Variants in ASMT observed in about 807,000 individuals in gnomAD.
The protein encoded by ASMT is acetylserotonin O-methyltransferase, also known as acetylserotonin N-methyltransferase.
ASMT carries 53 observed loss-of-function variants against 41.3 expected under a neutral mutation model. The observed-to-expected ratio is 1.28, with a 90% CI of 1.03 to 1.61. The LOEUF (loss-of-function observed/expected upper bound fraction) is 1.61. ASMT is among the 40% of genes most tolerant of loss of function. The pLI is 0.00. For missense variants in ASMT, 531 were observed against 441.3 expected (o/e 1.20, Z -1.82); for synonymous variants, 231 against 184.8 (o/e 1.25, Z -2.03).
intron 1 of ASMT, among the ~76,000 whole-genome samples, chrX:1,616,622 C>T (rs1191175531): frequency 6.6e-6 from 1 of 151,396 alleles, no homozygotes; most frequent in Non-Finnish European, 1.5e-5. Flanking sequence ...GTCATCCCAA[C>T]GGTTTGGGGG....
At chrX:1,641,685 C>CTG (rs1935177155) in intron 8 of ASMT, among the ~76,000 whole-genome samples, 1 of 134,462 alleles carries the variant, frequency 7.4e-6, no homozygotes, top group Non-Finnish European at 1.6e-5. Flanking sequence ...CACAGCCTCT[C>CTG]TGTGTGAGAT....
chrX:1,627,496 C>T (rs2149465933), intron 3 of ASMT, among the ~76,000 whole-genome samples: 1 of 151,696 alleles, frequency 6.6e-6, no homozygotes, highest in South Asian at 2.1e-4. Context: ...TGGCGGGCGC[C>T]TATAGTCCCA....
intron 1 of ASMT, among the ~76,000 whole-genome samples, chrX:1,615,863 T>G (rs1212240248): frequency 6.6e-6 from 1 of 151,906 alleles, no homozygotes; most frequent in Non-Finnish European, 1.5e-5. Flanking sequence ...ATACATAGGA[T>G]TAGAAACAAG....
chrX:1,632,417 C>T (rs753217036), intron 5 of ASMT, among the ~76,000 whole-genome samples: 6 of 152,160 alleles, frequency 3.9e-5, no homozygotes, highest in South Asian at 2.1e-4. Flanking sequence ...TTTGGGAGGC[C>T]GAGATGGGCG....
intron 8 of ASMT, among the ~76,000 whole-genome samples, chrX:1,642,081 G>C (rs1395618834): frequency 8.1e-5 from 12 of 147,590 alleles, no homozygotes; most frequent in African/African-American, 2.2e-4. Flanking sequence ...TGAGGATGTG[G>C]GCACAGCCTC....
intron 1 of ASMT, among the ~76,000 whole-genome samples, chrX:1,620,118 A>T (rs1486087231): frequency 6.6e-6 from 1 of 151,306 alleles, no homozygotes; most frequent in African/African-American, 2.4e-5. Flanking sequence ...ATAAATAAAT[A>T]AAAAAGAAAA....
Position 1,633,181 on chromosome X carries a change from G to T in ASMT, c.678G>T (p.Met226Ile). 3 of 1,613,836 alleles carry T rather than the reference G, an allele frequency of 1.9e-6. No individual in the cohort carries two copies. The highest frequency in any genetic ancestry group is 2.5e-6 in the Non-Finnish European group (3 of 1,179,848). Residue 226 changes from methionine (M) to isoleucine (I), a missense_variant, in exon 7 of 9, where the codon ATG becomes ATT. Met to Ile is a conservative substitution (Grantham distance 10). Coordinates refer to ENST00000381241, the MANE Select transcript of ASMT (RefSeq NM_001171038.2). The stretch of plus-strand genomic sequence containing the variant: ...CTGGAGCTCTGGCTAAGGAATGCAT[G>T]TCTCTGTACCCTGGATGTAAGATCA... ...GGAGALAKECMSLYPGCKITV... is the reference protein window; with the variant it reads ...GGAGALAKECISLYPGCKITV...
At chrX:1,634,887 G>A (rs1399214340) in intron 7 of ASMT, among the ~76,000 whole-genome samples, 1 of 151,726 alleles carries the variant, frequency 6.6e-6, no homozygotes, top group Non-Finnish European at 1.5e-5. Flanking sequence ...GGCTGGTTTT[G>A]AATTCCTGAC....
chrX:1,635,955 T>TTTTC (rs1161616387), intron 7 of ASMT, among the ~76,000 whole-genome samples: 3 of 148,208 alleles, frequency 2.0e-5, no homozygotes, highest in Non-Finnish European at 3.0e-5. Flanking sequence ...TTATTCAGTA[T>TTTTC]TTTCTTTCTT....
chrX:1,622,359 C>G (rs1466820843), intron 1 of ASMT, among the ~76,000 whole-genome samples: 1 of 147,624 alleles, frequency 6.8e-6, no homozygotes, highest in African/African-American at 2.5e-5. Flanking sequence ...GGTGAGATCT[C>G]GGCTCACTGC....
chrX:1,620,502 G>A (rs1934300661), intron 1 of ASMT, among the ~76,000 whole-genome samples: 1 of 151,938 alleles, frequency 6.6e-6, no homozygotes, highest in African/African-American at 2.4e-5. Flanking sequence ...GCTAATACAA[G>A]CTTAGAATAA....
At chrX:1,619,952 G>T (rs1603461151) in intron 1 of ASMT, among the ~76,000 whole-genome samples, 1 of 151,146 alleles carries the variant, frequency 6.6e-6, no homozygotes. Context: ...AATTAGCCGG[G>T]CGTGGTGGTG....
intron 8 of ASMT, 121 bp from the exon 9 acceptor site, chrX:1,642,682 G>C (rs1935236340): frequency 2.3e-6 from 2 of 878,120 alleles, no homozygotes; most frequent in Non-Finnish European, 3.8e-6. Context: ...CTCTGAGTGT[G>C]TGATGGGGAC....
chrX:1,636,506 GCAGACGGAAAGTGCT>G lies in ASMT; in HGVS notation c.859_873del (p.Asp287_Ser291del). On this transcript the variant is annotated inframe_deletion, in exon 8 of 9. Coordinates refer to ENST00000381241, the MANE Select transcript of ASMT (RefSeq NM_001171038.2). ...CCTGGCCAGGGTCCTCCATGACTGG[GCAGACGGAAAGTGCT>G]CACACCTGCTGGAGAGGATCTACCA... is the stretch of plus-strand genomic sequence containing the variant. 1 of 1,613,918 alleles carries G rather than the reference GCAGACGGAAAGTGCT, an allele frequency of 6.2e-7. No individual in the cohort carries two copies. The highest frequency in any genetic ancestry group is 1.1e-5 in the South Asian group (1 of 91,080).
intron 3 of ASMT, among the ~76,000 whole-genome samples, chrX:1,626,522 C>T (rs1934554812): frequency 6.6e-6 from 1 of 152,098 alleles, no homozygotes; most frequent in Non-Finnish European, 1.5e-5. Context: ...GTGTGAGCCA[C>T]CACGCCCAGC....
intron 7 of ASMT, among the ~76,000 whole-genome samples, chrX:1,635,412 G>A (rs1349061230): frequency 7.2e-5 from 11 of 152,088 alleles, no homozygotes; most frequent in South Asian, 2.1e-4. Context: ...TCAGTCTTGC[G>A]TATTTACTTT....
At chrX:1,630,236 C>T (rs1441428928) in intron 5 of ASMT, among the ~76,000 whole-genome samples, 10 of 150,796 alleles carry the variant, frequency 6.6e-5, no homozygotes, top group East Asian at 1.9e-4. Flanking sequence ...TGGGTTCAAG[C>T]GATTCTCCTG....
intron 1 of ASMT, among the ~76,000 whole-genome samples, chrX:1,617,313 T>C (rs1471761289): frequency 4.6e-5 from 7 of 151,340 alleles, no homozygotes; most frequent in Non-Finnish European, 7.4e-5. Context: ...CTACTAGAAG[T>C]ATAAAAATTA....
chrX:1,637,212 GGC>G lies in ASMT; in HGVS notation c.910+653_910+654del, dbSNP rs1569384846. Reference sequence around the variant, plus strand: ...TCCTGTGAGGTCCATCCATCCTGATGGCACATGAGGATGTGGACACAGCCTCT... The same window carrying G: ...TCCTGTGAGGTCCATCCATCCTGATGACATGAGGATGTGGACACAGCCTCT... On this transcript the variant is annotated intron_variant, in intron 8 of 8. Coordinates refer to ENST00000381241, the MANE Select transcript of ASMT (RefSeq NM_001171038.2). Among the ~76,000 whole-genome samples, 17 of 32,070 alleles carry G rather than the reference GGC, an allele frequency of 5.3e-4. No individual in the cohort carries two copies. In the East Asian group the frequency reaches 5.7e-3, roughly 11 times the overall value. 21.0% of individuals were successfully genotyped at this position (32,070 alleles called of 152,430 possible). A position where few individuals can be genotyped will look rare whatever the true frequency, so the allele number is the denominator to read the frequency against.
Sources: allele counts gnomAD v4.1 joint callset (sites outside exome capture counted in the v4.1 genomes callset), GRCh38; gene constraint gnomAD v4.1.1; transcripts MANE v1.5; gene names NCBI Gene and HGNC (gene_info 2026-07-23, HGNC 2026-07-21).